Variants in IGDCC4 observed in about 807,000 individuals in gnomAD.
IGDCC4 encodes likely ortholog of mouse neighbor of Punc E11.
IGDCC4 carries 72 observed loss-of-function variants against 116.6 expected under a neutral mutation model. That is an observed-to-expected ratio of 0.62 (90% CI 0.51 to 0.75). The LOEUF is 0.75. IGDCC4 is among the 30% of genes least tolerant of loss of function. The pLI is 0.00. For synonymous variants in IGDCC4, 709 were observed against 719.9 expected, an observed-to-expected ratio of 0.98 and a Z score of 0.24; for missense variants, 1,501 against 1,662.4, an observed-to-expected ratio of 0.90 and a Z score of 1.69.
chr15:65,400,341 A>G (rs1462828088), intron 5 of IGDCC4, among the ~76,000 whole-genome samples: 1 of 152,356 alleles, frequency 6.6e-6, no homozygotes, highest in Non-Finnish European at 1.5e-5. Flanking sequence ...GTATGATACC[A>G]GTCACACAAA....
chr15:65,396,394 GTC>G (rs1472894901), intron 6 of IGDCC4: 1 of 664,934 alleles, frequency 1.5e-6, no homozygotes, highest in African/African-American at 1.8e-5. Context: ...TCCCAAAACT[GTC>G]CCCAGGCCTC....
At chr15:65,418,354 C>T (rs1313179303) in intron 1 of IGDCC4, among the ~76,000 whole-genome samples, 1 of 152,062 alleles carries the variant, frequency 6.6e-6, no homozygotes, top group Admixed American at 6.5e-5. Context: ...TTCTCTTGTG[C>T]CCACCTGTCT....
In IGDCC4 at chr15:65,393,240, G is replaced by A; in HGVS notation, c.1885+121C>T. The A allele has an allele frequency of 7.5e-6, 8 of 1,067,026 alleles. No individual in the cohort carries two copies. Among genetic ancestry groups the A allele is most frequent in the Non-Finnish European group, 1.0e-5 (8 of 781,578 alleles). 66.1% of individuals were successfully genotyped at this position (1,067,026 alleles called of 1,614,324 possible). A position where few individuals can be genotyped will look rare whatever the true frequency, so the allele number is the denominator to read the frequency against. Reference sequence around the variant, plus strand: ...AAGCCTCACTCACCCATCAAGCGGAGGGAGCCATGGAAGGTCTCTGATGGA... The same window carrying A: ...AAGCCTCACTCACCCATCAAGCGGAAGGAGCCATGGAAGGTCTCTGATGGA... On this transcript the variant is annotated intron_variant, in intron 10 of 19. Coordinates refer to ENST00000352385, the MANE Select transcript of IGDCC4 (RefSeq NM_020962.3). This position sits in a 1 kb window ranked among gnomAD's most constrained non-coding sequence, Gnocchi z 4.6.
intron 2 of IGDCC4, chr15:65,410,777 G>C: frequency 1.8e-6 from 1 of 548,882 alleles, no homozygotes; most frequent in Admixed American, 3.4e-5. Context: ...CAGACTCTAG[G>C]ACTCAAAGGG....
intron 16 of IGDCC4, 108 bp from the exon 17 acceptor site, chr15:65,386,764 C>G: frequency 1.3e-6 from 1 of 752,350 alleles, no homozygotes; most frequent in South Asian, 1.8e-5. Context: ...GGACCCTCAC[C>G]CTTCAGATGC....
At chr15:65,418,050 A>G (rs2063159955) in intron 1 of IGDCC4, among the ~76,000 whole-genome samples, 1 of 152,220 alleles carries the variant, frequency 6.6e-6, no homozygotes, top group African/African-American at 2.4e-5. Flanking sequence ...GAACCCATGA[A>G]GACATCCTCA....
intron 12 of IGDCC4, among the ~76,000 whole-genome samples, chr15:65,390,542 A>G (rs948773947): frequency 1.3e-5 from 2 of 152,242 alleles, no homozygotes; most frequent in African/African-American, 4.8e-5. Context: ...GTCTGTAAGA[A>G]CGTAATAAAG....
chr15:65,400,944 A>T lies in IGDCC4; in HGVS notation c.703T>A (p.Ser235Thr). The T allele has an allele frequency of 6.2e-7, 1 of 1,614,054 alleles. No individual in the cohort carries two copies. The highest frequency in any genetic ancestry group is 8.5e-7 in the Non-Finnish European group (1 of 1,180,022). Reference protein sequence around the residue: ...EALLSVAHRGSLASTRGQDVV... With the variant: ...EALLSVAHRGTLASTRGQDVV... The stretch of plus-strand genomic sequence containing the variant: ...TCCTGCCCCCTGGTGGACGCCAGGG[A>T]CCCTGGCGAGAAGACAGACCAGCAG... Residue 235 changes from serine to threonine, a missense_variant and splice_region_variant, in exon 5 of 20, where the codon TCC becomes ACC. Transcript: ENST00000352385.
Position 65,382,142 on chromosome 15 carries a change from C to A in IGDCC4, c.*1867G>T, listed in dbSNP as rs2091406011. ...AAAATAAAATGAGGCTTTTGACCTTCAGAGCAATGATGAAACATACACAGT... is the reference window on the plus strand; with the variant it reads ...AAAATAAAATGAGGCTTTTGACCTTAAGAGCAATGATGAAACATACACAGT... On this transcript the variant is annotated 3_prime_UTR_variant, in exon 20 of 20. Transcript: ENST00000352385. 1 of 151,842 alleles carries A rather than the reference C, an allele frequency of 6.6e-6. No individual in the cohort carries two copies. The highest frequency in any genetic ancestry group is 2.1e-4 in the South Asian group (1 of 4,812). 9.4% of individuals were successfully genotyped at this position (151,842 alleles called of 1,614,324 possible). A position where few individuals can be genotyped will look rare whatever the true frequency, so the allele number is the denominator to read the frequency against.
At chr15:65,405,690 C>G (rs1185106937) in intron 3 of IGDCC4, among the ~76,000 whole-genome samples, 3 of 152,214 alleles carry the variant, frequency 2.0e-5, no homozygotes, top group Admixed American at 6.5e-5. Context: ...AGGAGACGCT[C>G]AAATTGGTAA....
At chr15:65,401,067 G>A in intron 4 of IGDCC4, 121 bp from the exon 5 acceptor site, 1 of 1,255,396 alleles carries the variant, frequency 8.0e-7, no homozygotes, top group South Asian at 1.3e-5. Context: ...GATTCCATCT[G>A]TCAGATGGGG....
intron 8 of IGDCC4, among the ~76,000 whole-genome samples, 160 bp downstream of exon 8, chr15:65,394,934 C>A (rs565629206): frequency 9.9e-4 from 151 of 152,298 alleles, no homozygotes; most frequent in Non-Finnish European, 1.9e-3. Context: ...GTTTCCCCAA[C>A]TGTGAACTGA....
chr15:65,395,033 C>A, intron 8 of IGDCC4, 61 bp downstream of exon 8: 1 of 1,522,718 alleles, frequency 6.6e-7, no homozygotes, highest in South Asian at 1.2e-5. Context: ...AGAGGGTGAG[C>A]TCCCCTCCCC....
intron 4 of IGDCC4, 32 bp downstream of exon 4, chr15:65,402,319 C>T: frequency 1.3e-6 from 2 of 1,552,644 alleles, no homozygotes; most frequent in South Asian, 1.2e-5. Context: ...TCCAGAAACC[C>T]CCAGGTTTCC....
intron 17 of IGDCC4, 69 bp downstream of exon 17, chr15:65,386,482 T>C (rs908316365): frequency 1.3e-5 from 18 of 1,355,056 alleles, no homozygotes; most frequent in Non-Finnish European, 1.8e-5. Flanking sequence ...CCACTTTCCC[T>C]GATGGCCCAT....
rs756897098 is a variant in IGDCC4 at position 65,388,528 on chromosome 15, C to T, written c.2766G>A (p.Lys922=). 9 of 1,614,084 alleles carry T rather than the reference C, an allele frequency of 5.6e-6. No individual in the cohort carries two copies. In the African/African-American group the frequency reaches 1.1e-4, roughly 19 times the overall value. The change falls in exon 16 of 20, where the codon AAG becomes AAA. Residue 922 remains lysine (K), a synonymous_variant. Coordinates refer to ENST00000352385, the MANE Select transcript of IGDCC4 (RefSeq NM_020962.3). ...GTCCCACCTCTGTGCGCGCCCCCAT[C>T]TTGAAGAAGTACCGAGTGTCGCTCT... is the stretch of plus-strand genomic sequence containing the variant. The part of the protein sequence containing the change: ...GLESDTRYFF[K]MGARTEVGPG...
At chr15:65,408,871 G>A (rs546237628) in intron 3 of IGDCC4, among the ~76,000 whole-genome samples, 11 of 141,294 alleles carry the variant, frequency 7.8e-5, no homozygotes, top group South Asian at 2.3e-4. Context: ...ACAGGGTCTC[G>A]GTGTGTCACC....
intron 14 of IGDCC4, 87 bp downstream of exon 14, chr15:65,389,197 G>T: frequency 6.4e-7 from 1 of 1,552,946 alleles, no homozygotes; most frequent in South Asian, 1.2e-5. Flanking sequence ...CCCAAACCTT[G>T]GGGTTCTGAA....
chr15:65,392,903 G>A (rs1034923129), intron 10 of IGDCC4, among the ~76,000 whole-genome samples: 4 of 152,022 alleles, frequency 2.6e-5, no homozygotes, highest in Admixed American at 6.6e-5. Context: ...TACAACCTTC[G>A]CTTTACAGAT....
Sources: allele counts gnomAD v4.1 joint callset (sites outside exome capture counted in the v4.1 genomes callset), GRCh38; gene constraint gnomAD v4.1.1; non-coding constraint Gnocchi (gnomAD v3.1); transcripts MANE v1.5; gene names NCBI Gene and HGNC (gene_info 2026-07-23, HGNC 2026-07-21).